HEATR1: variants seen among roughly 807,000 people sequenced by gnomAD.
HEATR1 encodes the protein HEAT repeat-containing protein 1.
Under a neutral mutation model 248.2 loss-of-function variants are expected in HEATR1, and 77 were observed. The ratio of observed to expected loss-of-function variants is 0.31; its 90% CI spans 0.26 to 0.37. The LOEUF (loss-of-function observed/expected upper bound fraction) is 0.37, where lower values mean the gene tolerates loss of function less well. Among genes scored for constraint, HEATR1 ranks in the 10% least tolerant of loss-of-function variants. The probability of loss-of-function intolerance (pLI) is 1.00; values close to 1 mark genes in which losing one functional copy is unlikely to be tolerated. For synonymous variants in HEATR1, 897 were observed against 923.1 expected, an observed-to-expected ratio of 0.97 and a Z score of 0.51; for missense variants, 2,420 against 2,504.9, an observed-to-expected ratio of 0.97 and a Z score of 0.72.
Position 236,582,814 on chromosome 1 carries a change from C to T in HEATR1, c.2484G>A (p.Leu828=). The T allele has an allele frequency of 6.2e-7, 1 of 1,613,946 alleles. No individual in the cohort carries two copies. Among genetic ancestry groups the T allele is most frequent in the Non-Finnish European group, 8.5e-7 (1 of 1,179,826 alleles). ...GCATCATCTCAAACAGCCCAATGAG[C>T]AAGTGCAGATAGTCCCTGCTGTCTT... ...LKEDSRDYLH[L]LIGLFEMMLN... is the part of the protein sequence containing the mutation. Residue 828 remains leucine (L), a synonymous_variant, in exon 19 of 45, where the codon TTG becomes TTA. Coordinates refer to ENST00000366582, the MANE Select transcript of HEATR1 (RefSeq NM_018072.6).
intron 37 of HEATR1, 137 bp downstream of exon 37, chr1:236,557,058 A>G: frequency 1.2e-6 from 1 of 867,678 alleles, no homozygotes. Context: ...AATAAAAGCA[A>G]GCACATCTCT....
chr1:236,564,591 T>C lies in HEATR1; in HGVS notation c.4506A>G (p.Val1502=), dbSNP rs1283349669. Residue 1502 remains valine (V), a synonymous_variant, in exon 32 of 45, where the codon GTA becomes GTG. Transcript: ENST00000366582. ...SQEEMLQVFN[V]ETHTSKQLRH... is the part of the protein sequence containing the mutation. ...GCAGTTGCTTGCTAGTGTGAGTCTC[T>C]ACATTAAAAACCTGTAGCATTTCTT... The C allele has an allele frequency of 1.2e-6, 2 of 1,613,940 alleles. No individual in the cohort carries two copies. The highest frequency in any genetic ancestry group is 1.3e-5 in the African/African-American group (1 of 75,058).
At chr1:236,562,827 G>A (rs1246103278) in intron 32 of HEATR1, among the ~76,000 whole-genome samples, 1 of 152,036 alleles carries the variant, frequency 6.6e-6, no homozygotes, top group African/African-American at 2.4e-5. Context: ...TAATATTTGT[G>A]CACATATTTT....
chr1:236,572,322 G>A, intron 26 of HEATR1, 89 bp downstream of exon 26: 1 of 1,362,662 alleles, frequency 7.3e-7, no homozygotes, highest in Non-Finnish European at 1.0e-6. Flanking sequence ...ATCTAAACAA[G>A]AGAAGAGTAT....
At chr1:236,558,732 G>C (rs941563125) in intron 35 of HEATR1, among the ~76,000 whole-genome samples, 27 of 152,194 alleles carry the variant, frequency 1.8e-4, no homozygotes, top group African/African-American at 6.3e-4. Flanking sequence ...AAGGGACTTA[G>C]AACTATGCTA....
intron 3 of HEATR1, among the ~76,000 whole-genome samples, chr1:236,600,585 C>A (rs1485843943): frequency 6.6e-6 from 1 of 151,484 alleles, no homozygotes; most frequent in Non-Finnish European, 1.5e-5. Flanking sequence ...GGCTGGAGTG[C>A]AGTGGTGTGA....
intron 14 of HEATR1, among the ~76,000 whole-genome samples, chr1:236,586,681 T>C (rs1663893793): frequency 6.6e-6 from 1 of 152,070 alleles, no homozygotes; most frequent in Non-Finnish European, 1.5e-5. Flanking sequence ...ATTACAGGCA[T>C]GAGCCACTGT....
At position 236,603,968 on chromosome 1, in the gene HEATR1, G is replaced by T; in HGVS notation, c.128C>A (p.Thr43Asn). The T allele has an allele frequency of 6.3e-7, 1 of 1,595,800 alleles. No individual in the cohort carries two copies. Among genetic ancestry groups the T allele is most frequent in the South Asian group, 1.1e-5 (1 of 87,318 alleles). Residue 43 changes from threonine to asparagine, a missense_variant, in exon 2 of 45, where the codon ACC becomes AAC. By Grantham distance (65) the Thr-to-Asn change is moderately conservative. Coordinates refer to ENST00000366582, the MANE Select transcript of HEATR1 (RefSeq NM_018072.6). ...PKEAATIDRD[T>N]AFAIGCTGLE... ...AGATGGCTCACCAATGGCGAAGGCG[G>T]TGTCCCTGTCGATTGTGGCCGCTTC...
chr1:236,576,670 A>T, intron 21 of HEATR1, 110 bp downstream of exon 21: 1 of 1,019,934 alleles, frequency 9.8e-7, no homozygotes, highest in Non-Finnish European at 1.4e-6. Flanking sequence ...TCCTAAATCC[A>T]ATGACTTAGT....
At chr1:236,588,065 T>C in intron 12 of HEATR1, 22 bp from the exon 13 acceptor site, 2 of 1,579,192 alleles carry the variant, frequency 1.3e-6, no homozygotes, top group Non-Finnish European at 1.7e-6. Flanking sequence ...AAGAAAAACA[T>C]TAATTTAGCT....
intron 12 of HEATR1, among the ~76,000 whole-genome samples, chr1:236,590,522 C>T (rs1047581433): frequency 5.3e-5 from 8 of 151,996 alleles, no homozygotes; most frequent in African/African-American, 1.7e-4. Context: ...CTGCTGTGAC[C>T]GGCCCAAAAT....
chr1:236,573,230 T>TA (rs1280874377), intron 24 of HEATR1, among the ~76,000 whole-genome samples: 1 of 152,164 alleles, frequency 6.6e-6, no homozygotes, highest in Non-Finnish European at 1.5e-5. Flanking sequence ...GCTCATCCCT[T>TA]AGAGTGGACA....
chr1:236,550,734 G>T lies in HEATR1; in HGVS notation c.*168C>A. ...TACGATAGGCAGGAGAGGCTTATGT[G>T]GCAGCACAAGCCAGGTGGGGATTTT... On this transcript the variant is annotated 3_prime_UTR_variant, in exon 45 of 45. Coordinates refer to ENST00000366582, the MANE Select transcript of HEATR1 (RefSeq NM_018072.6). The T allele has an allele frequency of 1.8e-6, 1 of 561,056 alleles. No individual in the cohort carries two copies. The highest frequency in any genetic ancestry group is 3.1e-6 in the Non-Finnish European group (1 of 320,600). 34.8% of individuals were successfully genotyped at this position (561,056 alleles called of 1,614,324 possible).
At chr1:236,594,883 G>A (rs962291072) in intron 8 of HEATR1, among the ~76,000 whole-genome samples, 1 of 151,930 alleles carries the variant, frequency 6.6e-6, no homozygotes, top group African/African-American at 2.4e-5. Flanking sequence ...CTGTAGCCTC[G>A]AACTCCCTGG....
chr1:236,552,134 T>TA (rs758937451), intron 43 of HEATR1, 27 bp from the exon 44 acceptor site: 7 of 1,408,760 alleles, frequency 5.0e-6, no homozygotes, highest in Non-Finnish European at 7.0e-6. Context: ...AGCAAAGAAA[T>TA]AAAAAGTAGT....
chr1:236,557,274 C>T lies in HEATR1; in HGVS notation c.5276G>A (p.Ser1759Asn), dbSNP rs1335760573. 6.2e-7 allele frequency: 1 copy of T among 1,614,190 alleles called. No homozygotes were observed. Among genetic ancestry groups the T allele is most frequent in the Non-Finnish European group, 8.5e-7 (1 of 1,180,028 alleles). ...ELVSSEVYLL[S>N]ALAALQKVVE... ...AACCTTCTGCAGAGCAGCCAAGGCA[C>T]TGAGCAGGTAGACCTCGCTGGAGAC... The change falls in exon 37 of 45, where the codon AGT becomes AAT. Residue 1759 changes from serine to asparagine, a missense_variant. Physicochemically the swap from Ser to Asn is conservative, Grantham distance 46 (BLOSUM62 1). Transcript: ENST00000366582.
Position 236,603,998 on chromosome 1 carries a change from G to C in HEATR1, c.98C>G (p.Pro33Arg), listed in dbSNP as rs1432663537. The change falls in exon 2 of 45, where the codon CCT becomes CGT. Residue 33 changes from proline (P) to arginine (R), a missense_variant. Coordinates refer to ENST00000366582, the MANE Select transcript of HEATR1 (RefSeq NM_018072.6). Reference sequence around the variant, plus strand: ...CCTGTCGATTGTGGCCGCTTCCTTAGGGTCAAATAACAAAGAAGCAACTTC... The same window carrying C: ...CCTGTCGATTGTGGCCGCTTCCTTACGGTCAAATAACAAAGAAGCAACTTC... ...RDEVASLLFD[P>R]KEAATIDRDT... 4 of 1,599,438 alleles carry C rather than the reference G, an allele frequency of 2.5e-6. No individual in the cohort carries two copies. Among genetic ancestry groups the C allele is most frequent in the East Asian group, 2.3e-5 (1 of 44,144 alleles).
intron 33 of HEATR1, 40 bp from the exon 34 acceptor site, chr1:236,559,877 G>A (rs10754576): frequency 0.62 from 962,620 of 1,553,682 alleles, 306,776 homozygotes; most frequent in Non-Finnish European, 0.66. Context: ...GCAGCTGAAG[G>A]CACTCAGAGA....
Position 236,553,575 on chromosome 1 carries a change from C to T in HEATR1, c.6237+6G>A. On this transcript the variant is annotated splice_donor_region_variant and intron_variant, in intron 43 of 44. Coordinates refer to ENST00000366582, the MANE Select transcript of HEATR1 (RefSeq NM_018072.6). Reference sequence around the variant, plus strand: ...CAGTTTCAGTACTTGTCACGCAGTTCCTAACCTTAGGCGAGGAGTCTCTCG... The same window carrying T: ...CAGTTTCAGTACTTGTCACGCAGTTTCTAACCTTAGGCGAGGAGTCTCTCG... The T allele has an allele frequency of 6.2e-7, 1 of 1,612,894 alleles. No homozygotes were observed. The highest frequency in any genetic ancestry group is 8.5e-7 in the Non-Finnish European group (1 of 1,179,398).
Sources: allele counts gnomAD v4.1 joint callset (sites outside exome capture counted in the v4.1 genomes callset), GRCh38; gene constraint gnomAD v4.1.1; transcripts MANE v1.5; gene names NCBI Gene and HGNC (gene_info 2026-07-23, HGNC 2026-07-21).